GYPB: variants seen among roughly 807,000 people sequenced by gnomAD.
GYPB encodes glycophorin-B.
Under a neutral mutation model 15.3 loss-of-function variants are expected in GYPB, and 13 were observed. The ratio of observed to expected loss-of-function variants is 0.85; its 90% CI spans 0.55 to 1.35. GYPB has a LOEUF of 1.35. Among genes scored for constraint, GYPB ranks in the 40% most tolerant of loss-of-function variants. GYPB has a pLI of 0.00. For synonymous variants in GYPB, 38 were observed against 36.9 expected, an observed-to-expected ratio of 1.03 and a Z score of -0.11; for missense variants, 131 against 108.3, an observed-to-expected ratio of 1.21 and a Z score of -0.93.
At chr4:144,018,172 A>G (rs1224253143) in intron 1 of GYPB, among the ~76,000 whole-genome samples, 10 of 151,328 alleles carry the variant, frequency 6.6e-5, no homozygotes, top group African/African-American at 2.5e-4. Flanking sequence ...TCTTTATGCA[A>G]TTATTATGAG....
At chr4:144,018,811 C>A (rs1454806510) in intron 1 of GYPB, among the ~76,000 whole-genome samples, 1 of 150,986 alleles carries the variant, frequency 6.6e-6, no homozygotes, top group East Asian at 1.9e-4. Flanking sequence ...AGTGTTCATC[C>A]TTTTGGCTTC....
intron 1 of GYPB, among the ~76,000 whole-genome samples, chr4:144,008,087 C>T (rs1728018574): frequency 6.6e-6 from 1 of 151,564 alleles, no homozygotes; most frequent in Non-Finnish European, 1.5e-5. Context: ...AGCTGAGACC[C>T]TATTGTTAGA....
intron 1 of GYPB, among the ~76,000 whole-genome samples, chr4:144,016,635 T>C (rs1203094277): frequency 1.3e-5 from 2 of 151,344 alleles, no homozygotes; most frequent in Non-Finnish European, 2.9e-5. Context: ...AGAATGCAAA[T>C]TTTATATGAA....
chr4:144,005,191 C>G (rs1253573468), intron 1 of GYPB, among the ~76,000 whole-genome samples: 1 of 152,058 alleles, frequency 6.6e-6, no homozygotes, highest in Non-Finnish European at 1.5e-5. Context: ...GCCGACTTTA[C>G]AGATAGACAT....
chr4:143,997,066 C>A lies in GYPB; in HGVS notation c.270+474G>T, dbSNP rs1476970226. ...ATACTACACATGTGCACCACCAAGCCTTTCTAATTTTCATATTTTTTGTAT... is the reference window on the plus strand; with the variant it reads ...ATACTACACATGTGCACCACCAAGCATTTCTAATTTTCATATTTTTTGTAT... On this transcript the variant is annotated intron_variant, in intron 4 of 4. Transcript: ENST00000502664. Among the ~76,000 whole-genome samples the A allele has an allele frequency of 9.3e-5, 14 of 151,096 alleles. 1 individual carries two copies. Among genetic ancestry groups the A allele is most frequent in the African/African-American group, 3.4e-4 (14 of 40,594 alleles).
intron 1 of GYPB, among the ~76,000 whole-genome samples, chr4:144,010,514 C>A (rs1477566841): frequency 6.6e-6 from 1 of 151,300 alleles, no homozygotes; most frequent in Admixed American, 6.6e-5. Flanking sequence ...TATCAAAGTA[C>A]ATCACACAGA....
intron 3 of GYPB, among the ~76,000 whole-genome samples, chr4:143,997,970 AAC>A (rs1488855436): frequency 1.3e-5 from 2 of 151,394 alleles, no homozygotes; most frequent in South Asian, 2.1e-4. Context: ...TGGGGAAAAA[AAC>A]CCACAAATTC....
chr4:144,001,310 G>C (rs762190224), intron 1 of GYPB, 27 bp from the exon 2 acceptor site: 4 of 1,612,628 alleles, frequency 2.5e-6, no homozygotes, highest in Non-Finnish European at 3.4e-6. Flanking sequence ...TTGAGAAAGG[G>C]ATTAAGAACG....
Position 144,018,034 on chromosome 4 carries a change from T to G in GYPB, c.37+1217A>C, listed in dbSNP as rs899933843. ...TATTGATAGCTACTAATTATTTTAATATTACTTATATTATTAATACTTATT... is the reference window on the plus strand; with the variant it reads ...TATTGATAGCTACTAATTATTTTAAGATTACTTATATTATTAATACTTATT... On this transcript the variant is annotated intron_variant, in intron 1 of 4. Coordinates refer to ENST00000502664, the MANE Select transcript of GYPB (RefSeq NM_002100.6). 1.3e-4 allele frequency among the ~76,000 whole-genome samples: 19 copies of G among 151,394 alleles called. 2 individuals carry two copies. The highest frequency in any genetic ancestry group is 4.4e-4 in the African/African-American group (18 of 40,744).
In GYPB at chr4:144,001,220, G is replaced by A. The variant is rs1461379536; in HGVS notation, c.101C>T (p.Ser34Leu). Reference protein sequence around the residue: ...EVAMHTSTSSSVTKSYISSQT... With the variant: ...EVAMHTSTSSLVTKSYISSQT... Reference sequence around the variant, plus strand: ...TGATGAGATGTAACTCTTTGTGACTGAAGAAGAGGTTGAAGTGTGCATTGC... The same window carrying A: ...TGATGAGATGTAACTCTTTGTGACTAAAGAAGAGGTTGAAGTGTGCATTGC... The change falls in exon 2 of 5, where the codon TCA (serine) becomes TTA (leucine). Residue 34 changes from serine (S) to leucine (L), a missense_variant. Coordinates refer to ENST00000502664, the MANE Select transcript of GYPB (RefSeq NM_002100.6). 3.7e-6 allele frequency: 6 copies of A among 1,612,800 alleles called. No individual in the cohort carries two copies. The highest frequency in any genetic ancestry group is 1.4e-5 in the African/African-American group (1 of 73,998).
chr4:144,011,824 AG>A (rs1189429105), intron 1 of GYPB, among the ~76,000 whole-genome samples: 2 of 151,150 alleles, frequency 1.3e-5, no homozygotes, highest in African/African-American at 2.5e-5. Context: ...ATGTTTTTGA[AG>A]TCTGAATCTA....
At chr4:144,003,043 G>A (rs1292913379) in intron 1 of GYPB, among the ~76,000 whole-genome samples, 1 of 151,332 alleles carries the variant, frequency 6.6e-6, no homozygotes, top group Non-Finnish European at 1.5e-5. Context: ...AAAAATGAAT[G>A]CTTTTAAACA....
intron 1 of GYPB, among the ~76,000 whole-genome samples, chr4:144,011,287 G>A (rs1728207903): frequency 6.6e-6 from 1 of 151,362 alleles, no homozygotes; most frequent in Non-Finnish European, 1.5e-5. Flanking sequence ...GGCTGAGGCA[G>A]GAGAATTGCT....
chr4:144,015,636 T>A (rs1728447118), intron 1 of GYPB, among the ~76,000 whole-genome samples: 1 of 151,464 alleles, frequency 6.6e-6, no homozygotes, highest in Non-Finnish European at 1.5e-5. Flanking sequence ...TTAAAATCAC[T>A]ACGAAGTAAG....
chr4:144,008,347 C>T (rs1344386658), intron 1 of GYPB: 1 of 453,364 alleles, frequency 2.2e-6, no homozygotes, highest in Non-Finnish European at 4.4e-6. Flanking sequence ...GCCTTCACTT[C>T]AGCAAATCAG....
chr4:144,001,246 C>T lies in GYPB; in HGVS notation c.75G>A (p.Val25=), dbSNP rs771326208. The change falls in exon 2 of 5, where the codon GTG becomes GTA. Residue 25 remains valine, a synonymous_variant. Transcript: ENST00000502664. Reference sequence around the variant, plus strand: ...AAGAAGAGGTTGAAGTGTGCATTGCCACCTCAGTGGTACTTAATGCTGATA... The same window carrying T: ...AAGAAGAGGTTGAAGTGTGCATTGCTACCTCAGTGGTACTTAATGCTGATA... ...VSISALSTTE[V]AMHTSTSSSV... The T allele has an allele frequency of 2.5e-6, 4 of 1,612,716 alleles. No homozygotes were observed. Among genetic ancestry groups the T allele is most frequent in the African/African-American group, 1.4e-5 (1 of 73,926 alleles).
rs539511161 is a variant in GYPB at position 144,000,164 on chromosome 4, A to AT, written c.137-716dup. The AT allele has an allele frequency of 9.5e-4, 155 of 163,146 alleles. 5 individuals are homozygous for AT. Among genetic ancestry groups the AT allele is most frequent in the African/African-American group, 3.3e-3 (136 of 41,018 alleles). The allele number at this position is 163,146 out of a possible 1,614,324, so 10.1% of individuals were successfully genotyped here. ...GTTTGATGATTGAGGATTCAGGTATATTTTTTCATTCTTTAGGCTTTACGT... is the reference window on the plus strand; with the variant it reads ...GTTTGATGATTGAGGATTCAGGTATATTTTTTTCATTCTTTAGGCTTTACGT... On this transcript the variant is annotated intron_variant, in intron 2 of 4. Coordinates refer to ENST00000502664, the MANE Select transcript of GYPB (RefSeq NM_002100.6).
intron 1 of GYPB, chr4:144,002,513 T>C (rs1373774459): frequency 3.9e-6 from 4 of 1,038,624 alleles, no homozygotes; most frequent in African/African-American, 1.7e-5. Context: ...TTTTTCACTC[T>C]TCTGAGAGTT....
chr4:144,002,981 G>A (rs1420999806), intron 1 of GYPB, among the ~76,000 whole-genome samples: 1 of 151,206 alleles, frequency 6.6e-6, no homozygotes, highest in Non-Finnish European at 1.5e-5. Context: ...AACAATTACT[G>A]AATGTTTCTA....
Sources: allele counts gnomAD v4.1 joint callset (sites outside exome capture counted in the v4.1 genomes callset), GRCh38; gene constraint gnomAD v4.1.1; transcripts MANE v1.5; gene names NCBI Gene and HGNC (gene_info 2026-07-23, HGNC 2026-07-21).